MCM2: variants seen among roughly 807,000 people sequenced by gnomAD.
MCM2 encodes DNA replication licensing factor MCM2.
In MCM2, 49 loss-of-function variants were observed where a neutral mutation model predicts 86.4. The observed-to-expected ratio is 0.57, with a 90% CI of 0.45 to 0.72. The LOEUF (loss-of-function observed/expected upper bound fraction) is 0.72. Ranked by LOEUF, MCM2 falls within the 30% of genes least tolerant of loss-of-function variation. MCM2 has a pLI of 0.00. For synonymous variants in MCM2, 475 were observed against 484.6 expected, an observed-to-expected ratio of 0.98 and a Z score of 0.26; for missense variants, 1,038 against 1,259.9, an observed-to-expected ratio of 0.82 and a Z score of 2.67.
rs2074351704 is a variant in MCM2, at chr3:127,606,515, G to T, written c.894-95G>T. Reference sequence around the variant, plus strand: ...GAGGGATCTTCCCGGGCTGGGGGCTGGGCCCAATTTCCAGGACAGTGTGTT... The same window carrying T: ...GAGGGATCTTCCCGGGCTGGGGGCTTGGCCCAATTTCCAGGACAGTGTGTT... On this transcript the variant is annotated intron_variant, in intron 5 of 15. Coordinates refer to ENST00000265056, the MANE Select transcript of MCM2 (RefSeq NM_004526.4). The surrounding 1 kb of genome is among the most constrained non-coding windows in gnomAD (Gnocchi z 4.2). 7.6e-7 allele frequency: 1 copy of T among 1,315,906 alleles called. No homozygotes were observed. The highest frequency in any genetic ancestry group is 1.3e-5 in the South Asian group (1 of 79,752). 81.5% of individuals were successfully genotyped at this position (1,315,906 alleles called of 1,614,324 possible).
chr3:127,599,114 C>T (rs1385772011), intron 1 of MCM2: 1 of 604,710 alleles, frequency 1.7e-6, no homozygotes, highest in South Asian at 2.0e-5. Context: ...GTTTGGAAGC[C>T]ACTGACTCAG....
chr3:127,606,196 C>G lies in MCM2; in HGVS notation c.752C>G (p.Ala251Gly), dbSNP rs765701157. The change falls in exon 5 of 16, where the codon GCA becomes GGA. Residue 251 changes from alanine to glycine, a missense_variant. By Grantham distance (60) the Ala-to-Gly change is moderately conservative (BLOSUM62 0). Around this residue, in one of 4 missense-constraint regions of MCM2, gnomAD observed 399 missense variants for 507.2 expected, o/e 0.79. Coordinates refer to ENST00000265056, the MANE Select transcript of MCM2 (RefSeq NM_004526.4). This position sits in a 1 kb window ranked among gnomAD's most constrained non-coding sequence, Gnocchi z 4.2. ...EHVLAYFLPE[A>G]PAELLQIFDE... is the part of the protein sequence containing the mutation. ...GTGCTGGCCTACTTCCTGCCTGAGG[C>G]ACCGGCGGAGCTGCTGCAGATCTTT... The G allele has an allele frequency of 6.2e-7, 1 of 1,614,254 alleles. No homozygotes were observed. Among genetic ancestry groups the G allele is most frequent in the South Asian group, 1.1e-5 (1 of 91,082 alleles).
intron 8 of MCM2, among the ~76,000 whole-genome samples, chr3:127,610,114 G>T (rs986828283): frequency 1.1e-4 from 16 of 152,144 alleles, no homozygotes; most frequent in African/African-American, 3.9e-4. Context: ...AAAGTGCTGG[G>T]ATTATAGGTG....
chr3:127,610,715 C>T (rs1389706786), intron 8 of MCM2: 5 of 449,460 alleles, frequency 1.1e-5, no homozygotes, highest in South Asian at 4.7e-5. Context: ...GCAGGCTAGA[C>T]GCAAACCCAG....
intron 8 of MCM2, among the ~76,000 whole-genome samples, chr3:127,615,057 G>T (rs2074423384): frequency 6.6e-6 from 1 of 152,214 alleles, no homozygotes; most frequent in South Asian, 2.1e-4. Flanking sequence ...CCTGATGGGG[G>T]TGTCTCCCCT....
chr3:127,600,688 C>T (rs1220059636), intron 2 of MCM2, among the ~76,000 whole-genome samples: 2 of 152,028 alleles, frequency 1.3e-5, no homozygotes, highest in Non-Finnish European at 2.9e-5. Context: ...GGGTCCTAGA[C>T]GGCTTTCCTG....
chr3:127,621,049 T>C (rs781067615), intron 14 of MCM2, 24 bp from the exon 15 acceptor site: 5 of 1,612,878 alleles, frequency 3.1e-6, no homozygotes, highest in African/African-American at 2.7e-5. Flanking sequence ...GAGCGGGTGT[T>C]TGACTGAGGC....
chr3:127,598,697 C>T (rs984384594), intron 1 of MCM2, among the ~76,000 whole-genome samples: 3 of 152,204 alleles, frequency 2.0e-5, no homozygotes, highest in Non-Finnish European at 4.4e-5. Context: ...CGTTCAGCCT[C>T]TGTCCTTTAT....
chr3:127,605,141 A>G lies in MCM2; in HGVS notation c.658A>G (p.Ser220Gly), dbSNP rs201262336. ...CCACAACGTCTTCAAGGAGCGCATC[A>G]GCGACATGTGCAAAGGTGTGGCTTC... ...HGHNVFKERI[S>G]DMCKENRESL... The change falls in exon 4 of 16, where the codon AGC becomes GGC. Residue 220 changes from serine (S) to glycine (G), a missense_variant. By Grantham distance (56) the Ser-to-Gly change is moderately conservative. Transcript: ENST00000265056. 1.3e-4 allele frequency: 204 copies of G among 1,614,070 alleles called. No individual in the cohort carries two copies. Among genetic ancestry groups the G allele is most frequent in the Middle Eastern group, 3.3e-4 (2 of 6,062 alleles).
At chr3:127,615,385 C>T (rs779070701) in intron 8 of MCM2, among the ~76,000 whole-genome samples, 1 of 152,234 alleles carries the variant, frequency 6.6e-6, no homozygotes. Flanking sequence ...GTTGGAATTA[C>T]TTCCTGGTGG....
Position 127,619,232 on chromosome 3 carries a change from A to G in MCM2, c.2219A>G (p.Gln740Arg), listed in dbSNP as rs1185763947. The G allele has an allele frequency of 6.2e-7, 1 of 1,614,200 alleles. No individual in the cohort carries two copies. Among genetic ancestry groups the G allele is most frequent in the South Asian group, 1.1e-5 (1 of 91,090 alleles). Reference sequence around the variant, plus strand: ...CACCCGAAGCTCAACCAGATGGACCAGGACAAGGTGGCCAAGATGTACAGT... The same window carrying G: ...CACCCGAAGCTCAACCAGATGGACCGGGACAAGGTGGCCAAGATGTACAGT... ...RVHPKLNQMD[Q>R]DKVAKMYSDL... is the part of the protein sequence containing the mutation. Residue 740 changes from glutamine (Q) to arginine (R), a missense_variant, in exon 13 of 16, where the codon CAG (glutamine) becomes CGG (arginine). By Grantham distance (43) the Gln-to-Arg change is conservative. Coordinates refer to ENST00000265056, the MANE Select transcript of MCM2 (RefSeq NM_004526.4).
chr3:127,606,639 C>T lies in MCM2; in HGVS notation c.923C>T (p.Thr308Ile). The T allele has an allele frequency of 6.2e-7, 1 of 1,614,140 alleles. No individual in the cohort carries two copies. Among genetic ancestry groups the T allele is most frequent in the Non-Finnish European group, 8.5e-7 (1 of 1,180,040 alleles). ...RQLHLNQLIR[T>I]SGVVTSCTGV... ...CTGCATCTGAACCAGCTGATCCGCA[C>T]CAGTGGGGTGGTGACCAGCTGCACT... The change falls in exon 6 of 16, where the codon ACC becomes ATC. Residue 308 changes from threonine (T) to isoleucine (I), a missense_variant. Thr to Ile is a moderately conservative substitution (Grantham distance 89, BLOSUM62 -1). Coordinates refer to ENST00000265056, the MANE Select transcript of MCM2 (RefSeq NM_004526.4). This position sits in a 1 kb window ranked among gnomAD's most constrained non-coding sequence, Gnocchi z 4.2.
At position 127,604,791 on chromosome 3, in the gene MCM2, C is replaced by T. The variant is rs753856722; in HGVS notation, c.412+8C>T. Reference sequence around the variant, plus strand: ...GCCGTGGGCTCCTGTATGGTAGGTCCAGTTGTCTGCCTGCCCGAGGGACTG... The same window carrying T: ...GCCGTGGGCTCCTGTATGGTAGGTCTAGTTGTCTGCCTGCCCGAGGGACTG... On this transcript the variant is annotated splice_region_variant and intron_variant, in intron 3 of 15. Transcript: ENST00000265056. 1.3e-6 allele frequency: 2 copies of T among 1,580,388 alleles called. No individual in the cohort carries two copies. The highest frequency in any genetic ancestry group is 2.3e-5 in the South Asian group (2 of 88,328).
chr3:127,602,974 T>C (rs1035474393), intron 2 of MCM2, among the ~76,000 whole-genome samples: 1 of 152,242 alleles, frequency 6.6e-6, no homozygotes, highest in Non-Finnish European at 1.5e-5. Flanking sequence ...ACCTCCCCTT[T>C]TGTAATTGTG....
rs2107688407 is a variant in MCM2 at position 127,606,217 on chromosome 3, T to G, written c.773T>G (p.Ile258Ser). 1 of 1,614,182 alleles carries G rather than the reference T, an allele frequency of 6.2e-7. No individual in the cohort carries two copies. Among genetic ancestry groups the G allele is most frequent in the South Asian group, 1.1e-5 (1 of 91,084 alleles). The part of the protein sequence containing the change: ...LPEAPAELLQ[I>S]FDEAALEVVL... ...GAGGCACCGGCGGAGCTGCTGCAGA[T>G]CTTTGATGAGGCTGCCCTGGAGGTG... The change falls in exon 5 of 16, where the codon ATC (isoleucine) becomes AGC (serine). Residue 258 changes from isoleucine (I) to serine (S), a missense_variant. By Grantham distance (142) the Ile-to-Ser change is moderately radical. Around this residue, in one of 4 missense-constraint regions of MCM2, gnomAD observed 399 missense variants for 507.2 expected, o/e 0.79. Coordinates refer to ENST00000265056, the MANE Select transcript of MCM2 (RefSeq NM_004526.4). This position sits in a 1 kb window ranked among gnomAD's most constrained non-coding sequence, Gnocchi z 4.2.
intron 4 of MCM2, among the ~76,000 whole-genome samples, chr3:127,605,720 G>A (rs373037064): frequency 1.7e-4 from 26 of 152,188 alleles, no homozygotes; most frequent in South Asian, 1.0e-3. Context: ...GATAACAGGC[G>A]TGAGCCACCG....
intron 15 of MCM2, 131 bp from the exon 16 acceptor site, chr3:127,621,532 C>G (rs1190793957): frequency 1.5e-6 from 1 of 652,786 alleles, no homozygotes; most frequent in African/African-American, 1.8e-5. Context: ...CTTAATCGGC[C>G]TCTCCACCCC....
Position 127,618,905 on chromosome 3 carries a change from G to C in MCM2, c.2014-122G>C, listed in dbSNP as rs2074453433. The C allele has an allele frequency of 8.7e-7, 1 of 1,153,338 alleles. No individual in the cohort carries two copies. Among genetic ancestry groups the C allele is most frequent in the Non-Finnish European group, 1.2e-6 (1 of 839,980 alleles). 71.4% of individuals were successfully genotyped at this position (1,153,338 alleles called of 1,614,324 possible). On this transcript the variant is annotated intron_variant, in intron 12 of 15. Transcript: ENST00000265056. The surrounding 1 kb of genome is among the most constrained non-coding windows in gnomAD (Gnocchi z 4.0). ...CAGAACTGCCTGGCACATGGTCAGTGTAGTCAGTCTTGTTGAAAGAGTGTC... is the reference window on the plus strand; with the variant it reads ...CAGAACTGCCTGGCACATGGTCAGTCTAGTCAGTCTTGTTGAAAGAGTGTC...
At chr3:127,609,472 GT>G (rs1172445950) in intron 8 of MCM2, among the ~76,000 whole-genome samples, 1 of 151,964 alleles carries the variant, frequency 6.6e-6, no homozygotes, top group Non-Finnish European at 1.5e-5. Context: ...GAATGGTGGT[GT>G]TTTTTGTTTT....
Sources: gnomAD v4.1 joint callset for allele counts (sites outside exome capture counted in the v4.1 genomes callset) on GRCh38, gnomAD v4.1.1 for gene constraint, gnomAD v4.1.1 regional missense constraint, Gnocchi (gnomAD v3.1) non-coding constraint, MANE v1.5 for transcripts, NCBI Gene and HGNC (gene_info 2026-07-23, HGNC 2026-07-21) for gene names.